Variants in GRAMD1B observed in about 807,000 individuals in gnomAD.
GRAMD1B encodes protein Aster-B.
A neutral mutation model predicts 99.7 loss-of-function variants in GRAMD1B; 37 were observed. The observed-to-expected ratio is 0.37, with a 90% CI of 0.29 to 0.49. The LOEUF (loss-of-function observed/expected upper bound fraction) is 0.49, where lower values mean the gene tolerates loss of function less well. GRAMD1B is among the 20% of genes least tolerant of loss of function. GRAMD1B has a pLI of 0.98. For synonymous variants in GRAMD1B, 427 were observed against 387.6 expected, an observed-to-expected ratio of 1.10 and a Z score of -1.19; for missense variants, 888 against 1,009.2, an observed-to-expected ratio of 0.88 and a Z score of 1.63.
chr11:123,607,612 C>T (rs1952910874), intron 11 of GRAMD1B, among the ~76,000 whole-genome samples: 1 of 152,224 alleles, frequency 6.6e-6, no homozygotes, highest in African/African-American at 2.4e-5. Context: ...CTCCAGGGTG[C>T]CTTTCACATA....
At chr11:123,619,022 C>T (rs546451936) in intron 18 of GRAMD1B, 85 bp from the exon 19 acceptor site, 1 of 770,742 alleles carries the variant, frequency 1.3e-6, no homozygotes, top group South Asian at 1.7e-5. Context: ...TGATGTGACT[C>T]TCTGTCCTTT....
At chr11:123,455,088 A>G (rs1417651400) in intron 1 of GRAMD1B, among the ~76,000 whole-genome samples, 1 of 152,222 alleles carries the variant, frequency 6.6e-6, no homozygotes, top group African/African-American at 2.4e-5. Context: ...TATGTACTTC[A>G]TGTAAGATGT....
At chr11:123,474,645 CAG>C (rs1951174892) in intron 1 of GRAMD1B, among the ~76,000 whole-genome samples, 1 of 152,226 alleles carries the variant, frequency 6.6e-6, no homozygotes, top group Admixed American at 6.5e-5. Context: ...CAAATAAAGG[CAG>C]GGGGCAAACC....
At chr11:123,573,544 G>A (rs1315077162) in intron 2 of GRAMD1B, among the ~76,000 whole-genome samples, 2 of 152,188 alleles carry the variant, frequency 1.3e-5, no homozygotes, top group Non-Finnish European at 2.9e-5. Context: ...TTGACAATCA[G>A]ATAGGCCTGT....
chr11:123,554,452 G>A (rs559923875), intron 2 of GRAMD1B, among the ~76,000 whole-genome samples: 4 of 148,742 alleles, frequency 2.7e-5, no homozygotes, highest in South Asian at 2.1e-4. Flanking sequence ...ACTTTGGGCC[G>A]CCAAGGTGGG....
At chr11:123,602,530 G>A (rs1952116848) in intron 8 of GRAMD1B, among the ~76,000 whole-genome samples, 1 of 151,544 alleles carries the variant, frequency 6.6e-6, no homozygotes, top group African/African-American at 2.4e-5. Flanking sequence ...TTTTTTTAAA[G>A]ATAATGATTG....
chr11:123,491,878 T>C, intron 2 of GRAMD1B: 1 of 399,144 alleles, frequency 2.5e-6, no homozygotes, highest in Admixed American at 4.4e-5. Flanking sequence ...CCAGAGACCG[T>C]CTCTTGCAGC....
chr11:123,531,511 G>A (rs931421420), intron 2 of GRAMD1B, among the ~76,000 whole-genome samples: 1 of 152,124 alleles, frequency 6.6e-6, no homozygotes, highest in African/African-American at 2.4e-5. Context: ...GAGTACCTAA[G>A]GTTCATTGCT....
intron 1 of GRAMD1B, among the ~76,000 whole-genome samples, chr11:123,437,469 A>G (rs994140156): frequency 8.5e-5 from 13 of 152,112 alleles, no homozygotes; most frequent in Non-Finnish European, 1.5e-4. Context: ...GGCTCTTTCT[A>G]GGGGATGCAG....
Position 123,430,654 on chromosome 11 carries a change from G to A in GRAMD1B, c.-139G>A. 4.0e-6 allele frequency: 2 copies of A among 504,548 alleles called. No individual in the cohort carries two copies. The highest frequency in any genetic ancestry group is 3.5e-6 in the Non-Finnish European group (1 of 288,020). The allele number at this position is 504,548 out of a possible 1,614,324, so 31.3% of individuals were successfully genotyped here. A position where few individuals can be genotyped will look rare whatever the true frequency, so the allele number is the denominator to read the frequency against. On this transcript the variant is annotated 5_prime_UTR_variant, in exon 1 of 20. Transcript: ENST00000635736. ...TCCCCTCGCGTCCCTTCCTCGCTGC[G>A]CTCCGGGAAAGGAACTTGTTCCTTC... is the stretch of plus-strand genomic sequence containing the variant.
At chr11:123,560,721 TGTG>T in intron 2 of GRAMD1B, 2 of 453,190 alleles carry the variant, frequency 4.4e-6, no homozygotes, top group African/African-American at 4.1e-5. Flanking sequence ...TGTGTGTGTG[TGTG>T]TGTGTGTGTG....
At chr11:123,608,849 C>A in intron 12 of GRAMD1B, 47 bp downstream of exon 12, 1 of 1,206,274 alleles carries the variant, frequency 8.3e-7, no homozygotes, top group Non-Finnish European at 1.2e-6. Flanking sequence ...TCTTCATCCT[C>A]ACTTCTTCCC....
At chr11:123,409,208 C>T (rs1591456463) in intron 1 of GRAMD1B, among the ~76,000 whole-genome samples, 1 of 152,296 alleles carries the variant, frequency 6.6e-6, no homozygotes, top group East Asian at 1.9e-4. Flanking sequence ...GGAAGGAGCA[C>T]ACCTGGCTGG....
intron 19 of GRAMD1B, 88 bp from the exon 20 acceptor site, chr11:123,622,418 C>T: frequency 1.2e-6 from 1 of 802,812 alleles, no homozygotes; most frequent in Non-Finnish European, 2.1e-6. Flanking sequence ...GAGGCCTGCC[C>T]TAGGCGGGTG....
chr11:123,446,936 A>T (rs968551771), intron 1 of GRAMD1B, among the ~76,000 whole-genome samples: 7 of 152,030 alleles, frequency 4.6e-5, no homozygotes, highest in Non-Finnish European at 7.4e-5. Context: ...GAAAGGAAAG[A>T]AAGAAAAAGA....
In GRAMD1B at chr11:123,574,985, C is replaced by CT. The variant is rs1948562629; in HGVS notation, c.453-2380dup. Among the ~76,000 whole-genome samples the CT allele has an allele frequency of 2.0e-5, 3 of 152,242 alleles. No homozygotes were observed. The South Asian group carries it at 6.2e-4, about 32-fold the overall frequency. On this transcript the variant is annotated intron_variant, in intron 2 of 19. Transcript: ENST00000635736. ...AAGAACAGCACAGATGATCAACAGC[C>CT]TTAAGAGCACAGAGAGATGGTATAA...
intron 2 of GRAMD1B, among the ~76,000 whole-genome samples, chr11:123,543,662 G>C (rs1457942745): frequency 6.6e-6 from 1 of 152,230 alleles, no homozygotes; most frequent in Non-Finnish European, 1.5e-5. Context: ...TCAAGTAACT[G>C]GGTAAAATAC....
chr11:123,370,299 G>T (rs1946479940), intron 1 of GRAMD1B, among the ~76,000 whole-genome samples: 1 of 148,084 alleles, frequency 6.8e-6, no homozygotes, highest in Non-Finnish European at 1.5e-5. Context: ...CTGGGTGCCA[G>T]AGCGAGACTC....
At chr11:123,449,931 C>G (rs1361563337) in intron 1 of GRAMD1B, among the ~76,000 whole-genome samples, 1 of 152,000 alleles carries the variant, frequency 6.6e-6, no homozygotes, top group Non-Finnish European at 1.5e-5. Context: ...CTATGTTGCC[C>G]AGGCTGGTCT....
Sources: allele counts gnomAD v4.1 joint callset (sites outside exome capture counted in the v4.1 genomes callset), GRCh38; gene constraint gnomAD v4.1.1; transcripts MANE v1.5; gene names NCBI Gene and HGNC (gene_info 2026-07-23, HGNC 2026-07-21).